Variants in FAM107B observed in about 807,000 individuals in gnomAD.
FAM107B encodes protein FAM107B.
Under a neutral mutation model 31.5 loss-of-function variants are expected in FAM107B, and 21 were observed. That is an observed-to-expected ratio of 0.67 (90% CI 0.47 to 0.96). FAM107B has a LOEUF of 0.96. FAM107B is among the 40% of genes least tolerant of loss of function. The pLI, the probability that FAM107B is intolerant of heterozygous loss-of-function variation, is 0.00. For missense variants in FAM107B, 452 were observed against 377.1 expected (o/e 1.20, Z -1.64); for synonymous variants, 157 against 141.5 (o/e 1.11, Z -0.78).
At chr10:14,638,985 T>A (rs977328612) in intron 2 of FAM107B, among the ~76,000 whole-genome samples, 2 of 151,944 alleles carry the variant, frequency 1.3e-5, no homozygotes, top group African/African-American at 4.8e-5. Context: ...GAGTCCAGGA[T>A]TTCGAGACCA....
intron 2 of FAM107B, among the ~76,000 whole-genome samples, chr10:14,657,099 G>C (rs73589400): frequency 0.053 from 8,083 of 152,298 alleles, 227 homozygotes; most frequent in African/African-American, 0.07. Context: ...CTTGAATACA[G>C]AGGACTAAAT....
chr10:14,635,201 G>C (rs1344988400), intron 2 of FAM107B, among the ~76,000 whole-genome samples: 1 of 152,028 alleles, frequency 6.6e-6, no homozygotes, highest in Non-Finnish European at 1.5e-5. Context: ...GAAGAACTAG[G>C]GTAGGGGTCA....
intron 1 of FAM107B, among the ~76,000 whole-genome samples, chr10:14,752,881 G>A (rs910280995): frequency 6.6e-6 from 1 of 151,322 alleles, no homozygotes; most frequent in African/African-American, 2.4e-5. Context: ...ACAGTGAGCT[G>A]TGATCACACC....
intron 2 of FAM107B, among the ~76,000 whole-genome samples, chr10:14,573,595 T>A (rs567106223): frequency 2.2e-4 from 20 of 93,008 alleles, no homozygotes; most frequent in East Asian, 6.3e-4. Context: ...AAAAAAAAAA[T>A]TAGCAGGACA....
intron 1 of FAM107B, among the ~76,000 whole-genome samples, chr10:14,743,432 C>G (rs941575734): frequency 6.6e-6 from 1 of 152,158 alleles, no homozygotes; most frequent in African/African-American, 2.4e-5. Flanking sequence ...TTGCCCGTGC[C>G]TATGTCCTAA....
chr10:14,677,893 G>T (rs1002828471), intron 1 of FAM107B, among the ~76,000 whole-genome samples: 1 of 152,176 alleles, frequency 6.6e-6, no homozygotes, highest in South Asian at 2.1e-4. Flanking sequence ...ATTAAAAAGC[G>T]GTGTATTGAT....
intron 1 of FAM107B, among the ~76,000 whole-genome samples, chr10:14,677,576 G>C (rs1295795956): frequency 6.6e-6 from 1 of 152,024 alleles, no homozygotes; most frequent in Non-Finnish European, 1.5e-5. Flanking sequence ...AGCAGAGATG[G>C]CGCCACTGCA....
intron 2 of FAM107B, among the ~76,000 whole-genome samples, chr10:14,583,334 C>T (rs1003588798): frequency 5.9e-5 from 9 of 152,028 alleles, no homozygotes; most frequent in Non-Finnish European, 1.0e-4. Flanking sequence ...TCAGGGCCCT[C>T]GCGGGGCAGA....
intron 1 of FAM107B, among the ~76,000 whole-genome samples, chr10:14,700,269 G>A (rs12252029): frequency 0.023 from 3,441 of 152,242 alleles, 150 homozygotes; most frequent in African/African-American, 0.079. Flanking sequence ...TGGCAACTGT[G>A]ATGCAGGGAG....
chr10:14,647,337 C>T (rs1457346158), intron 2 of FAM107B, among the ~76,000 whole-genome samples: 3 of 152,140 alleles, frequency 2.0e-5, no homozygotes, highest in East Asian at 1.9e-4. Context: ...TGCTACAAAT[C>T]GATACTAACC....
intron 1 of FAM107B, among the ~76,000 whole-genome samples, chr10:14,721,365 A>T: frequency 6.6e-6 from 1 of 152,206 alleles, no homozygotes; most frequent in African/African-American, 2.4e-5. Flanking sequence ...ATACCCAGTA[A>T]TGGGATGGCT....
intron 1 of FAM107B, among the ~76,000 whole-genome samples, chr10:14,682,963 A>T (rs1274183857): frequency 2.6e-5 from 4 of 152,220 alleles, no homozygotes; most frequent in Non-Finnish European, 5.9e-5. Context: ...GGAATCCCGG[A>T]CATAAGGGGT....
intron 2 of FAM107B, among the ~76,000 whole-genome samples, chr10:14,562,861 G>A (rs143257967): frequency 2.6e-5 from 4 of 152,354 alleles, no homozygotes; most frequent in African/African-American, 9.6e-5. Flanking sequence ...AACCATGAGA[G>A]TAGCTCTGTT....
At chr10:14,569,084 T>G (rs574360810) in intron 2 of FAM107B, among the ~76,000 whole-genome samples, 1 of 152,328 alleles carries the variant, frequency 6.6e-6, no homozygotes, top group South Asian at 2.1e-4. Flanking sequence ...TCGAAAGGTC[T>G]GTTGCTCTTG....
chr10:14,729,148 A>G (rs1034719981), intron 1 of FAM107B, among the ~76,000 whole-genome samples: 6 of 152,012 alleles, frequency 3.9e-5, no homozygotes, highest in Non-Finnish European at 8.8e-5. Flanking sequence ...GTGCATTGTC[A>G]TACCTGGCTA....
chr10:14,768,897 C>T (rs1303347380), intron 1 of FAM107B, among the ~76,000 whole-genome samples: 2 of 152,206 alleles, frequency 1.3e-5, no homozygotes, highest in Non-Finnish European at 2.9e-5. Flanking sequence ...CTCACCTCAT[C>T]TTCCTGCTGT....
intron 2 of FAM107B, among the ~76,000 whole-genome samples, chr10:14,598,365 A>G (rs543568309): frequency 1.3e-5 from 2 of 152,342 alleles, no homozygotes; most frequent in South Asian, 4.1e-4. Flanking sequence ...ACAGTGGAAT[A>G]CCAGGCAGCC....
intron 1 of FAM107B, among the ~76,000 whole-genome samples, chr10:14,730,114 G>A (rs1043430070): frequency 6.6e-6 from 1 of 152,130 alleles, no homozygotes. Flanking sequence ...TAGATGATGG[G>A]TTGATAGGTG....
chr10:14,600,448 A>G (rs980808042), intron 2 of FAM107B, among the ~76,000 whole-genome samples: 1 of 152,188 alleles, frequency 6.6e-6, no homozygotes, highest in African/African-American at 2.4e-5. Context: ...GCAAATCCCT[A>G]TGCAGCTCCA....
Sources: gnomAD v4.1 joint callset for allele counts (sites outside exome capture counted in the v4.1 genomes callset) on GRCh38, gnomAD v4.1.1 for gene constraint, MANE v1.5 for transcripts, NCBI Gene and HGNC (gene_info 2026-07-23, HGNC 2026-07-21) for gene names.